Variants in SLC6A11 observed in about 807,000 individuals in gnomAD.
SLC6A11 encodes the protein solute carrier family 6 member 11.
SLC6A11 carries 25 observed loss-of-function variants against 74.8 expected under a neutral mutation model. The ratio of observed to expected loss-of-function variants is 0.33; its 90% confidence interval spans 0.24 to 0.47. The LOEUF (loss-of-function observed/expected upper bound fraction) is 0.47. SLC6A11 is among the 20% of genes least tolerant of loss of function. The pLI is 1.00. For missense variants in SLC6A11, 574 were observed against 837.0 expected (o/e 0.69, Z 3.88); for synonymous variants, 330 against 330.2 (o/e 1.00, Z 0.01).
intron 13 of SLC6A11, among the ~76,000 whole-genome samples, chr3:10,936,582 G>C (rs564315565): frequency 6.6e-6 from 1 of 152,216 alleles, no homozygotes; most frequent in Non-Finnish European, 1.5e-5. Context: ...AGCCAGAAGG[G>C]GCCAGCCACA....
Position 10,935,281 on chromosome 3 carries a change from A to T in SLC6A11, c.1746+82A>T, listed in dbSNP as rs552421057. ...AGTTTCCTCATCTGCATGGTGCGCG[A>T]TGACGGCCTGCGCCCACCTGCCTCA... is the stretch of plus-strand genomic sequence containing the variant. On this transcript the variant is annotated intron_variant, in intron 13 of 13. Coordinates refer to ENST00000254488, the MANE Select transcript of SLC6A11 (RefSeq NM_014229.3). 5 of 1,316,920 alleles carry T rather than the reference A, an allele frequency of 3.8e-6. No individual in the cohort carries two copies. The South Asian group carries it at 6.4e-5, about 17-fold the overall frequency. 81.6% of individuals were successfully genotyped at this position (1,316,920 alleles called of 1,614,324 possible). A position where few individuals can be genotyped will look rare whatever the true frequency, so the allele number is the denominator to read the frequency against.
intron 4 of SLC6A11, among the ~76,000 whole-genome samples, chr3:10,829,820 T>C (rs1694271321): frequency 6.6e-6 from 1 of 152,222 alleles, no homozygotes; most frequent in East Asian, 1.9e-4. Flanking sequence ...TCTGCAAGTC[T>C]ATGTGGATTC....
At chr3:10,882,326 C>T (rs1233237988) in intron 6 of SLC6A11, among the ~76,000 whole-genome samples, 6 of 152,146 alleles carry the variant, frequency 3.9e-5, no homozygotes, top group African/African-American at 7.2e-5. Context: ...ACGGGGTGCC[C>T]GCCCGACCGG....
At chr3:10,893,257 A>G (rs780598529) in intron 6 of SLC6A11, among the ~76,000 whole-genome samples, 5 of 152,182 alleles carry the variant, frequency 3.3e-5, no homozygotes, top group South Asian at 2.1e-4. Context: ...AAATTAATCC[A>G]TAGGTTTGTG....
chr3:10,822,620 G>A (rs1159957622), intron 3 of SLC6A11, among the ~76,000 whole-genome samples: 1 of 152,158 alleles, frequency 6.6e-6, no homozygotes, highest in Non-Finnish European at 1.5e-5. Context: ...GCCTCCTGGA[G>A]ATGGGGTTAA....
At position 10,823,352 on chromosome 3, in the gene SLC6A11, T is replaced by C; in HGVS notation, c.583T>C (p.Ser195Pro). 6.2e-7 allele frequency: 1 copy of C among 1,613,972 alleles called. No individual in the cohort carries two copies. The highest frequency in any genetic ancestry group is 8.5e-7 in the Non-Finnish European group (1 of 1,179,836). Residue 195 changes from serine to proline, a missense_variant, in exon 4 of 14, where the codon TCT becomes CCT. Ser to Pro is a moderately conservative substitution (Grantham distance 74, BLOSUM62 -1). Coordinates refer to ENST00000254488, the MANE Select transcript of SLC6A11 (RefSeq NM_014229.3). ...KLNVSNYSHV[S>P]LQNATSPVME... ...GAATGTGAGCAACTACAGCCATGTGTCTCTGCAGAATGCCACCTCCCCTGT... is the reference window on the plus strand; with the variant it reads ...GAATGTGAGCAACTACAGCCATGTGCCTCTGCAGAATGCCACCTCCCCTGT...
At chr3:10,867,529 C>T (rs13081818) in intron 5 of SLC6A11, among the ~76,000 whole-genome samples, 1,538 of 152,326 alleles carry the variant, frequency 0.01, 21 homozygotes, top group Non-Finnish European at 0.013. Context: ...ATCAGGTTCA[C>T]AGAAGGTTCA....
In SLC6A11 at chr3:10,918,353, G is replaced by A; in HGVS notation, c.1020G>A (p.Leu340=). 6.2e-7 allele frequency: 1 copy of A among 1,608,190 alleles called. No homozygotes were observed. Among genetic ancestry groups the A allele is most frequent in the Non-Finnish European group, 8.5e-7 (1 of 1,177,768 alleles). Residue 340 remains leucine, a synonymous_variant, in exon 8 of 14, where the codon CTG becomes CTA. Coordinates refer to ENST00000254488, the MANE Select transcript of SLC6A11 (RefSeq NM_014229.3). The surrounding 1 kb of genome is among the most constrained non-coding windows in gnomAD (Gnocchi z 4.5). ...GGGACTGCATCATGCTCTGTTGCCT[G>A]AACAGCGGCACCAGCTTCGTGGCTG... is the stretch of plus-strand genomic sequence containing the variant. The part of the protein sequence containing the change: ...CYRDCIMLCC[L]NSGTSFVAGF...
At chr3:10,826,828 T>C (rs1694216323) in intron 4 of SLC6A11, among the ~76,000 whole-genome samples, 1 of 152,214 alleles carries the variant, frequency 6.6e-6, no homozygotes, top group Admixed American at 6.5e-5. Context: ...GCAATATCCA[T>C]ATTATCCATT....
intron 6 of SLC6A11, among the ~76,000 whole-genome samples, chr3:10,902,792 A>G (rs919323652): frequency 1.3e-5 from 2 of 152,182 alleles, no homozygotes; most frequent in Non-Finnish European, 2.9e-5. Flanking sequence ...AGTGGGCCAG[A>G]TTCCTGGGGC....
At chr3:10,864,556 C>T (rs916319418) in intron 5 of SLC6A11, among the ~76,000 whole-genome samples, 2 of 152,096 alleles carry the variant, frequency 1.3e-5, no homozygotes, top group African/African-American at 2.4e-5. Flanking sequence ...CAGGCTTCCT[C>T]CCTGTTGGGT....
At chr3:10,897,122 A>G (rs1478111535) in intron 6 of SLC6A11, among the ~76,000 whole-genome samples, 1 of 152,150 alleles carries the variant, frequency 6.6e-6, no homozygotes, top group East Asian at 1.9e-4. Flanking sequence ...GTATGGGGGA[A>G]CTGCCCCCAT....
intron 6 of SLC6A11, among the ~76,000 whole-genome samples, chr3:10,909,350 G>A (rs1366059678): frequency 6.6e-6 from 1 of 152,062 alleles, no homozygotes; most frequent in East Asian, 1.9e-4. Flanking sequence ...TTTCAGCGTT[G>A]ATGTGCCCAA....
At chr3:10,854,631 G>C (rs189869755) in intron 5 of SLC6A11, among the ~76,000 whole-genome samples, 1 of 152,106 alleles carries the variant, frequency 6.6e-6, no homozygotes, top group African/African-American at 2.4e-5. Flanking sequence ...CTTTTATAAG[G>C]CAGAGAGAGA....
chr3:10,847,284 T>C (rs1056970236), intron 5 of SLC6A11, among the ~76,000 whole-genome samples: 7 of 152,330 alleles, frequency 4.6e-5, no homozygotes, highest in Non-Finnish European at 8.8e-5. Flanking sequence ...GTGGGGACTA[T>C]GGCGATTTTC....
chr3:10,821,295 G>T (rs908935870), intron 3 of SLC6A11, among the ~76,000 whole-genome samples: 2 of 152,204 alleles, frequency 1.3e-5, no homozygotes, highest in African/African-American at 2.4e-5. Context: ...ATAGTCAGGA[G>T]ATTCCAGTGG....
chr3:10,831,616 G>A (rs181650643), intron 4 of SLC6A11, among the ~76,000 whole-genome samples: 119 of 152,254 alleles, frequency 7.8e-4, no homozygotes, highest in African/African-American at 2.8e-3. Context: ...GGTAAGTGAG[G>A]TTATAGAGAG....
chr3:10,819,983 G>T, intron 3 of SLC6A11, 131 bp downstream of exon 3: 1 of 934,638 alleles, frequency 1.1e-6, no homozygotes, highest in Non-Finnish European at 1.6e-6. Context: ...TAGTCTTGCT[G>T]AAACTGGGGT....
chr3:10,931,712 C>G (rs1388356938), intron 10 of SLC6A11, among the ~76,000 whole-genome samples: 1 of 152,260 alleles, frequency 6.6e-6, no homozygotes, highest in Non-Finnish European at 1.5e-5. Context: ...AGGTGTGTAG[C>G]TAGATGGGGC....
Sources: gnomAD v4.1 joint callset for allele counts (sites outside exome capture counted in the v4.1 genomes callset) on GRCh38, gnomAD v4.1.1 for gene constraint, Gnocchi (gnomAD v3.1) non-coding constraint, MANE v1.5 for transcripts, NCBI Gene and HGNC (gene_info 2026-07-23, HGNC 2026-07-21) for gene names.